The following SHCBP1L variants were observed in gnomAD, a reference collection of about 807,000 sequenced individuals.
The protein encoded by SHCBP1L is SHC binding and spindle associated 1 like.
Under a neutral mutation model 62.5 loss-of-function variants are expected in SHCBP1L, and 67 were observed. The ratio of observed to expected loss-of-function variants is 1.07; its 90% CI spans 0.88 to 1.31. The LOEUF is 1.31. Ranked by LOEUF, SHCBP1L falls within the 40% of genes most tolerant of loss-of-function variation. SHCBP1L has a pLI of 0.00. For synonymous variants in SHCBP1L, 284 were observed against 289.4 expected, an observed-to-expected ratio of 0.98 and a Z score of 0.19; for missense variants, 823 against 809.8, an observed-to-expected ratio of 1.02 and a Z score of -0.20.
At chr1:182,945,297 T>C (rs1398529815) in intron 2 of SHCBP1L, among the ~76,000 whole-genome samples, 1 of 152,174 alleles carries the variant, frequency 6.6e-6, no homozygotes, top group Non-Finnish European at 1.5e-5. Flanking sequence ...TTCATTAATT[T>C]AGCCCCAAAT....
intron 5 of SHCBP1L, among the ~76,000 whole-genome samples, chr1:182,930,989 G>A (rs1025777751): frequency 1.2e-4 from 18 of 149,512 alleles, no homozygotes; most frequent in Admixed American, 1.0e-3. Context: ...GCCTCCCCAA[G>A]TGCTAGGATT....
intron 6 of SHCBP1L, among the ~76,000 whole-genome samples, chr1:182,913,083 C>T (rs748477082): frequency 2.0e-5 from 3 of 151,650 alleles, no homozygotes; most frequent in Non-Finnish European, 1.5e-5. Flanking sequence ...TACAGTGAGC[C>T]GAGATCACAC....
At chr1:182,942,262 G>C in intron 2 of SHCBP1L, 4 of 1,344,914 alleles carry the variant, frequency 3.0e-6, no homozygotes, top group Non-Finnish European at 4.3e-6. Context: ...GCACTTTTTT[G>C]TCTGAAGATT....
rs1398182128 is a variant in SHCBP1L at position 182,940,619 on chromosome 1, G to A, written c.556-76C>T. ...ACCGCAGGATTTCTTTCTCATATAT[G>A]AGCTCATTATAAAGTTTCTTCTTTT... On this transcript the variant is annotated intron_variant, in intron 2 of 9. Transcript: ENST00000367547. The A allele has an allele frequency of 2.5e-6, 3 of 1,210,108 alleles. No homozygotes were observed. The African/African-American group carries it at 4.6e-5, about 19-fold the overall frequency. 75.0% of individuals were successfully genotyped at this position (1,210,108 alleles called of 1,614,324 possible). A position where few individuals can be genotyped will look rare whatever the true frequency, so the allele number is the denominator to read the frequency against.
chr1:182,903,292 T>A, intron 8 of SHCBP1L, 131 bp from the exon 9 acceptor site: 1 of 609,964 alleles, frequency 1.6e-6, no homozygotes, highest in Non-Finnish European at 2.6e-6. Flanking sequence ...TACGTGATCA[T>A]GCATGCAACT....
At position 182,952,553 on chromosome 1, in the gene SHCBP1L, C is replaced by T. The variant is rs550381303; in HGVS notation, c.405+176G>A. On this transcript the variant is annotated intron_variant, in intron 1 of 9. Transcript: ENST00000367547. ...ACCTTAACTCCTCTAGGGCAGGACG[C>T]GGGCACCTCTAACAAGGTGAACGCT... 7.0e-6 allele frequency: 5 copies of T among 710,996 alleles called. No individual in the cohort carries two copies. In the South Asian group the frequency reaches 7.5e-5, roughly 11 times the overall value. 44.0% of individuals were successfully genotyped at this position (710,996 alleles called of 1,614,324 possible).
At chr1:182,913,568 C>A (rs1004298527) in intron 6 of SHCBP1L, among the ~76,000 whole-genome samples, 3 of 152,232 alleles carry the variant, frequency 2.0e-5, no homozygotes, top group Admixed American at 2.0e-4. Context: ...AACGTAATGG[C>A]CGAAAACATC....
chr1:182,926,848 TC>T (rs1261870314), intron 6 of SHCBP1L, among the ~76,000 whole-genome samples: 1 of 151,970 alleles, frequency 6.6e-6, no homozygotes, highest in Non-Finnish European at 1.5e-5. Context: ...TGGGCATTAT[TC>T]TAAGCATATT....
rs1414052337 is a variant in SHCBP1L at position 182,924,788 on chromosome 1, G to GAAAGAAAGAAAGAAAGAA, written c.1182+4858_1182+4859insTTCTTTCTTTCTTTCTTT. 1.8e-4 allele frequency among the ~76,000 whole-genome samples: 17 copies of GAAAGAAAGAAAGAAAGAA among 93,034 alleles called. 1 individual carries two copies. The highest frequency in any genetic ancestry group is 4.1e-4 in the South Asian group (1 of 2,440). 61.0% of individuals were successfully genotyped at this position (93,034 alleles called of 152,430 possible). A position where few individuals can be genotyped will look rare whatever the true frequency, so the allele number is the denominator to read the frequency against. On this transcript the variant is annotated intron_variant, in intron 6 of 9. Transcript: ENST00000367547. ...AGAAAGAAAGAAAGAAAGAAAGAAA[G>GAAAGAAAGAAAGAAAGAA]AGAGAAAGAAAGGAAGGAAGGAAGG... is the stretch of plus-strand genomic sequence containing the variant.
intron 6 of SHCBP1L, among the ~76,000 whole-genome samples, chr1:182,925,040 GAAGGGAAGA>G (rs1295727633): frequency 9.8e-5 from 14 of 142,822 alleles, no homozygotes; most frequent in African/African-American, 3.6e-4. Flanking sequence ...GGAAGGGAAG[GAAGGGAAGA>G]AAGGGAAGGA....
chr1:182,941,253 C>CAG (rs1651354573), intron 2 of SHCBP1L, among the ~76,000 whole-genome samples: 2 of 57,484 alleles, frequency 3.5e-5, no homozygotes, highest in Non-Finnish European at 8.0e-5. Flanking sequence ...ACTCAAACAC[C>CAG]AAAAAAAAAA....
At chr1:182,952,702 T>C in intron 1 of SHCBP1L, 27 bp downstream of exon 1, 2 of 1,572,908 alleles carry the variant, frequency 1.3e-6, no homozygotes, top group South Asian at 1.2e-5. Flanking sequence ...CTTCCGACCG[T>C]AGTCTTCCTG....
intron 9 of SHCBP1L, among the ~76,000 whole-genome samples, chr1:182,902,453 T>C (rs1055031907): frequency 6.6e-6 from 1 of 152,128 alleles, no homozygotes; most frequent in African/African-American, 2.4e-5. Flanking sequence ...CTTAGATAAT[T>C]TGTAATCTAT....
intron 6 of SHCBP1L, among the ~76,000 whole-genome samples, chr1:182,927,916 G>A (rs1650833784): frequency 6.6e-6 from 1 of 151,968 alleles, no homozygotes; most frequent in Non-Finnish European, 1.5e-5. Context: ...ATATAAGAAA[G>A]TGAATAAAGC....
chr1:182,945,125 G>A (rs572692672), intron 2 of SHCBP1L, among the ~76,000 whole-genome samples: 4 of 151,650 alleles, frequency 2.6e-5, no homozygotes, highest in South Asian at 2.1e-4. Context: ...CACCACATCC[G>A]GCTATTTTTT....
chr1:182,927,131 T>G (rs531866027), intron 6 of SHCBP1L, among the ~76,000 whole-genome samples: 19 of 136,430 alleles, frequency 1.4e-4, no homozygotes, highest in African/African-American at 4.9e-4. Context: ...CTCTCTCCTT[T>G]TAAAGCATTC....
Position 182,949,279 on chromosome 1 carries a change from T to C in SHCBP1L, c.555+2039A>G, listed in dbSNP as rs192513426. Among the ~76,000 whole-genome samples, 24 of 139,924 alleles carry C rather than the reference T, an allele frequency of 1.7e-4. No homozygotes were observed. In the South Asian group the frequency reaches 5.0e-3, roughly 29 times the overall value. 91.8% of individuals were successfully genotyped at this position (139,924 alleles called of 152,430 possible). On this transcript the variant is annotated intron_variant, in intron 2 of 9. Coordinates refer to ENST00000367547, the MANE Select transcript of SHCBP1L (RefSeq NM_030933.4). ...TGAAAAAAAACCCACAAACTTATAC[T>C]AAAAAAAAAAAAGTCATAAAGCCAG...
intron 2 of SHCBP1L, among the ~76,000 whole-genome samples, chr1:182,942,848 C>T (rs1477391668): frequency 2.6e-5 from 4 of 152,098 alleles, no homozygotes; most frequent in Non-Finnish European, 5.9e-5. Context: ...ATCATCAGCA[C>T]ATAAAACAAT....
intron 5 of SHCBP1L, 71 bp from the exon 6 acceptor site, chr1:182,929,823 A>G: frequency 9.4e-7 from 1 of 1,066,522 alleles, no homozygotes. Context: ...ACTTGTAAAT[A>G]AAAACTTGGT....
Sources: allele counts gnomAD v4.1 joint callset (sites outside exome capture counted in the v4.1 genomes callset), GRCh38; gene constraint gnomAD v4.1.1; transcripts MANE v1.5; gene names NCBI Gene and HGNC (gene_info 2026-07-23, HGNC 2026-07-21).